Variants in SPAG16 observed in about 807,000 individuals in gnomAD.
SPAG16 encodes the protein sperm-associated antigen 16 protein.
A neutral mutation model predicts 80.4 loss-of-function variants in SPAG16; 86 were observed. That is an observed-to-expected ratio of 1.07 (90% CI 0.90 to 1.28). The LOEUF (loss-of-function observed/expected upper bound fraction) is 1.28. Ranked by LOEUF, SPAG16 falls within the 50% of genes most tolerant of loss-of-function variation. The pLI is 0.00. For synonymous variants in SPAG16, 294 were observed against 265.9 expected (o/e 1.11, Z -1.03); for missense variants, 870 against 765.3 (o/e 1.14, Z -1.61).
chr2:213,580,982 T>G (rs1192070455), intron 10 of SPAG16, among the ~76,000 whole-genome samples: 1 of 152,076 alleles, frequency 6.6e-6, no homozygotes, highest in Non-Finnish European at 1.5e-5. Context: ...TTGTTCCTGT[T>G]TTGCTTAATA....
intron 5 of SPAG16, among the ~76,000 whole-genome samples, chr2:213,320,894 C>G (rs1575185327): frequency 6.6e-6 from 1 of 151,918 alleles, no homozygotes; most frequent in South Asian, 2.1e-4. Context: ...AAAAAGTTTT[C>G]CGAACTACAT....
chr2:213,393,001 G>A (rs2067842889), intron 9 of SPAG16, among the ~76,000 whole-genome samples: 1 of 152,008 alleles, frequency 6.6e-6, no homozygotes, highest in Admixed American at 6.6e-5. Context: ...TCTGTGCTAA[G>A]TAGAAAATCA....
chr2:214,027,517 G>A (rs1054075868), intron 13 of SPAG16, among the ~76,000 whole-genome samples: 4 of 151,402 alleles, frequency 2.6e-5, no homozygotes, highest in Non-Finnish European at 5.9e-5. Flanking sequence ...ATTTATAGGT[G>A]GTAAAATTTG....
At chr2:214,193,426 T>TGAGAGAGAGAGAGA (rs55774604) in intron 15 of SPAG16, among the ~76,000 whole-genome samples, 1 of 136,516 alleles carries the variant, frequency 7.3e-6, no homozygotes, top group African/African-American at 2.8e-5. Context: ...TGTGTGTGTA[T>TGAGAGAGAGAGAGA]GAGAGAGAGA....
At chr2:214,149,096 T>TAC (rs747059929) in intron 14 of SPAG16, 44 bp from the exon 15 acceptor site, 44 of 750,288 alleles carry the variant, frequency 5.9e-5, no homozygotes, top group East Asian at 4.0e-4. Flanking sequence ...TATATATATA[T>TAC]ACATACATAC....
At chr2:214,233,187 G>C (rs1228624139) in intron 15 of SPAG16, among the ~76,000 whole-genome samples, 1 of 151,988 alleles carries the variant, frequency 6.6e-6, no homozygotes, top group African/African-American at 2.4e-5. Context: ...ACAGCCCCTG[G>C]AAATAGAAAG....
chr2:214,118,798 T>C (rs10190719), intron 14 of SPAG16, among the ~76,000 whole-genome samples: 66,526 of 148,514 alleles, frequency 0.45, 15,538 homozygotes, highest in South Asian at 0.59. Context: ...GATCTACAAA[T>C]TCAGTGCAAT....
intron 12 of SPAG16, among the ~76,000 whole-genome samples, chr2:213,988,695 T>G (rs992936879): frequency 4.0e-5 from 6 of 151,318 alleles, no homozygotes; most frequent in African/African-American, 1.5e-4. Flanking sequence ...AAAAAAAACA[T>G]TCAAAATAGC....
chr2:213,711,098 C>G (rs1341067787), intron 10 of SPAG16, among the ~76,000 whole-genome samples: 1 of 152,088 alleles, frequency 6.6e-6, no homozygotes, highest in Non-Finnish European at 1.5e-5. Flanking sequence ...AAATCTTTAG[C>G]TGCCGGTGTT....
chr2:213,778,849 T>C (rs780968192), intron 10 of SPAG16, among the ~76,000 whole-genome samples: 27 of 152,196 alleles, frequency 1.8e-4, no homozygotes, highest in Non-Finnish European at 3.1e-4. Context: ...TTCAGTTCCA[T>C]GTCTGCAGTG....
At position 214,013,866 on chromosome 2, in the gene SPAG16, C is replaced by A. The variant is rs1468471478; in HGVS notation, c.1401-85C>A. On this transcript the variant is annotated intron_variant, in intron 12 of 15. Coordinates refer to ENST00000331683, the MANE Select transcript of SPAG16 (RefSeq NM_024532.5). ...TTGCCATTAATAAAATTATTTCATG[C>A]CTCAGTTCCTTAAATTATTTTTATT... 17 of 1,346,310 alleles carry A rather than the reference C, an allele frequency of 1.3e-5. No individual in the cohort carries two copies. In the East Asian group the frequency reaches 2.4e-4, roughly 19 times the overall value. The allele number at this position is 1,346,310 out of a possible 1,614,324, so 83.4% of individuals were successfully genotyped here.
chr2:213,655,492 A>C (rs1473225726), intron 10 of SPAG16, among the ~76,000 whole-genome samples: 3 of 152,190 alleles, frequency 2.0e-5, no homozygotes, highest in Non-Finnish European at 4.4e-5. Flanking sequence ...TGGATGAAAA[A>C]AATTGATTTA....
At chr2:213,959,717 C>T (rs530773905) in intron 12 of SPAG16, among the ~76,000 whole-genome samples, 1 of 152,280 alleles carries the variant, frequency 6.6e-6, no homozygotes, top group South Asian at 2.1e-4. Context: ...GTCAGCCTCC[C>T]ATCAGTACCT....
chr2:214,355,593 A>G (rs1698729961), intron 15 of SPAG16, among the ~76,000 whole-genome samples: 1 of 143,400 alleles, frequency 7.0e-6, no homozygotes, highest in Admixed American at 7.0e-5. Flanking sequence ...AACTAGTTCA[A>G]CCATTGTGGA....
chr2:213,507,431 A>G (rs956894901), intron 10 of SPAG16, among the ~76,000 whole-genome samples: 6 of 152,212 alleles, frequency 3.9e-5, no homozygotes, highest in African/African-American at 1.4e-4. Flanking sequence ...TATGTCCTGG[A>G]CAGACCAAAC....
chr2:214,390,474 A>C (rs1701013040), intron 15 of SPAG16, among the ~76,000 whole-genome samples: 1 of 152,156 alleles, frequency 6.6e-6, no homozygotes, highest in African/African-American at 2.4e-5. Flanking sequence ...ATTCTTCTAC[A>C]CCACTCAGCT....
intron 13 of SPAG16, among the ~76,000 whole-genome samples, chr2:214,065,267 T>C (rs144272122): frequency 7.8e-4 from 118 of 152,224 alleles, no homozygotes; most frequent in African/African-American, 2.6e-3. Context: ...CTTCTGATCA[T>C]CTTTAAAAAT....
intron 15 of SPAG16, among the ~76,000 whole-genome samples, chr2:214,165,524 G>A (rs1456084438): frequency 1.4e-5 from 1 of 73,244 alleles, no homozygotes; most frequent in African/African-American, 6.4e-5. Flanking sequence ...TTGACATCCA[G>A]TTTGTTTTAA....
chr2:213,966,851 C>A (rs1033744629), intron 12 of SPAG16, among the ~76,000 whole-genome samples: 3 of 152,142 alleles, frequency 2.0e-5, no homozygotes, highest in African/African-American at 7.2e-5. Flanking sequence ...AGTATGTGAT[C>A]TACTCCAGTC....
Sources: allele counts gnomAD v4.1 joint callset (sites outside exome capture counted in the v4.1 genomes callset), GRCh38; gene constraint gnomAD v4.1.1; transcripts MANE v1.5; gene names NCBI Gene and HGNC (gene_info 2026-07-23, HGNC 2026-07-21).